The following SEPTIN10 variants were observed in gnomAD, a reference collection of about 807,000 sequenced individuals.
SEPTIN10 encodes the protein septin 10.
Under a neutral mutation model 54.8 loss-of-function variants are expected in SEPTIN10, and 66 were observed. The observed-to-expected ratio is 1.21, with a 90% CI of 0.99 to 1.48. SEPTIN10 has a LOEUF of 1.48. SEPTIN10 is among the 40% of genes most tolerant of loss of function. SEPTIN10 has a pLI of 0.00. For synonymous variants in SEPTIN10, 161 were observed against 181.0 expected, an observed-to-expected ratio of 0.89 and a Z score of 0.89; for missense variants, 620 against 545.6, an observed-to-expected ratio of 1.14 and a Z score of -1.36.
intron 9 of SEPTIN10, among the ~76,000 whole-genome samples, chr2:109,547,880 TA>T (rs1361366325): frequency 6.6e-6 from 1 of 152,190 alleles, no homozygotes; most frequent in Non-Finnish European, 1.5e-5. Context: ...CCACCCTGGG[TA>T]GTTCTTTCTG....
chr2:109,608,863 C>T (rs1698595618), intron 1 of SEPTIN10, among the ~76,000 whole-genome samples: 4 of 152,262 alleles, frequency 2.6e-5, no homozygotes, highest in Admixed American at 2.6e-4. Flanking sequence ...GTTCTCATTA[C>T]AAAAGCTTTG....
rs926971882 is a variant in SEPTIN10 at position 109,543,162 on chromosome 2, G to C, written c.*1147C>G. 8 of 152,446 alleles carry C rather than the reference G, an allele frequency of 5.2e-5. No individual in the cohort carries two copies. The highest frequency in any genetic ancestry group is 1.5e-5 in the Non-Finnish European group (1 of 67,980). 9.4% of individuals were successfully genotyped at this position (152,446 alleles called of 1,614,324 possible). On this transcript the variant is annotated 3_prime_UTR_variant, in exon 11 of 11. Coordinates refer to ENST00000397712, the MANE Select transcript of SEPTIN10 (RefSeq NM_144710.5). The stretch of plus-strand genomic sequence containing the variant: ...ATACCACCTGAAATATGAATTATGT[G>C]CATTTTTATATCTTTAATATTCAGA...
intron 2 of SEPTIN10, among the ~76,000 whole-genome samples, chr2:109,586,876 G>T (rs1334522386): frequency 1.3e-5 from 2 of 152,110 alleles, no homozygotes; most frequent in Non-Finnish European, 2.9e-5. Context: ...GGCTCAACAT[G>T]ATCAATGTGA....
rs1186761099 is a variant in SEPTIN10 at position 109,585,168 on chromosome 2, A to ACC, written c.370_371insGG (p.Val124GlyfsTer2). The ACC allele has an allele frequency of 1.9e-6, 3 of 1,608,612 alleles. No individual in the cohort carries two copies. The Admixed American group carries it at 5.1e-5, about 27-fold the overall frequency. The stretch of plus-strand genomic sequence containing the variant: ...TTGGTCACCAAATCCCACTGTATTC[A>ACC]CAATGGTCAATTTCAATTGAACATT... On this transcript the variant is annotated frameshift_variant, in exon 4 of 11. Coordinates refer to ENST00000397712, the MANE Select transcript of SEPTIN10 (RefSeq NM_144710.5). LOFTEE classifies it high-confidence loss of function.
chr2:109,584,659 AAATTAAAATTTCACTATCAAAACTTT>A (rs1692055778), intron 4 of SEPTIN10, among the ~76,000 whole-genome samples: 1 of 152,106 alleles, frequency 6.6e-6, no homozygotes. Context: ...GGTAAAATAT[AAATTAAAATTTCACTATCAAAACTTT>A]CCTGCAATGA....
intron 1 of SEPTIN10, among the ~76,000 whole-genome samples, chr2:109,597,518 A>G (rs1295322589): frequency 1.3e-5 from 2 of 152,178 alleles, no homozygotes; most frequent in Admixed American, 1.3e-4. Flanking sequence ...GGTGACCACA[A>G]TCTCGTTTCA....
intron 1 of SEPTIN10, among the ~76,000 whole-genome samples, chr2:109,608,001 G>A (rs1206679664): frequency 6.6e-6 from 1 of 152,218 alleles, no homozygotes; most frequent in Non-Finnish European, 1.5e-5. Flanking sequence ...TTCTGAAGCC[G>A]TGACTCATTC....
At chr2:109,570,061 G>A (rs10496432) in intron 5 of SEPTIN10, among the ~76,000 whole-genome samples, 20,461 of 151,878 alleles carry the variant, frequency 0.13, 1,859 homozygotes, top group African/African-American at 0.26. Context: ...ATTTAAAATG[G>A]GCCAAATCAA....
chr2:109,555,839 C>T (rs1394120691), intron 8 of SEPTIN10, among the ~76,000 whole-genome samples: 2 of 152,164 alleles, frequency 1.3e-5, no homozygotes, highest in Non-Finnish European at 2.9e-5. Flanking sequence ...CTGGCCCCTT[C>T]CTTTAAAACA....
chr2:109,597,793 T>G (rs1281792992), intron 1 of SEPTIN10, among the ~76,000 whole-genome samples: 1 of 152,194 alleles, frequency 6.6e-6, no homozygotes, highest in Non-Finnish European at 1.5e-5. Flanking sequence ...TGGAGGAAAG[T>G]CTGGTGCTGC....
intron 2 of SEPTIN10, among the ~76,000 whole-genome samples, chr2:109,592,599 T>G (rs764526511): frequency 6.6e-6 from 1 of 151,482 alleles, no homozygotes; most frequent in Non-Finnish European, 1.5e-5. Context: ...ACCAACATGG[T>G]GAAACCCCAT....
intron 4 of SEPTIN10, among the ~76,000 whole-genome samples, chr2:109,581,769 A>G (rs1280986616): frequency 6.6e-6 from 1 of 152,256 alleles, no homozygotes; most frequent in Non-Finnish European, 1.5e-5. Flanking sequence ...AACTGAAACA[A>G]GATATGCCTG....
intron 7 of SEPTIN10, among the ~76,000 whole-genome samples, chr2:109,564,790 A>G (rs1386172414): frequency 6.6e-6 from 1 of 152,250 alleles, no homozygotes; most frequent in Non-Finnish European, 1.5e-5. Flanking sequence ...TCACCAGGAA[A>G]TACCAAAAAA....
At chr2:109,544,399 G>T (rs1421434341) in intron 10 of SEPTIN10, 75 bp from the exon 11 acceptor site, 118 of 1,521,186 alleles carry the variant, frequency 7.8e-5, no homozygotes, top group Non-Finnish European at 7.1e-5. Context: ...CATGCATCTA[G>T]TATATTATAG....
rs1189988516 is a variant in SEPTIN10 at position 109,543,390 on chromosome 2, T to A, written c.*919A>T. On this transcript the variant is annotated 3_prime_UTR_variant, in exon 11 of 11. Transcript: ENST00000397712. ...TGTTTTAACTTTTAAAGATATTTTG[T>A]TTCACCACAGTAATACGTCAGCCAT... The A allele has an allele frequency of 6.6e-6, 1 of 152,178 alleles. No homozygotes were observed. The highest frequency in any genetic ancestry group is 1.5e-5 in the Non-Finnish European group (1 of 68,026). 9.4% of individuals were successfully genotyped at this position (152,178 alleles called of 1,614,324 possible).
chr2:109,607,639 T>C (rs1035590367), intron 1 of SEPTIN10, among the ~76,000 whole-genome samples: 3 of 152,192 alleles, frequency 2.0e-5, no homozygotes, highest in Non-Finnish European at 4.4e-5. Context: ...AATTACATTT[T>C]ATTTAAATGT....
intron 10 of SEPTIN10, 70 bp downstream of exon 10, chr2:109,545,980 T>TA: frequency 6.6e-7 from 1 of 1,507,766 alleles, no homozygotes; most frequent in African/African-American, 1.4e-5. Context: ...TAAGAAGCGC[T>TA]AGGAAGATCC....
chr2:109,586,369 G>A (rs1017808559), intron 2 of SEPTIN10, among the ~76,000 whole-genome samples: 5 of 152,128 alleles, frequency 3.3e-5, no homozygotes, highest in African/African-American at 9.7e-5. Context: ...AAGACTTGAG[G>A]GAAGGAAACT....
chr2:109,576,566 A>T (rs1275694669), intron 4 of SEPTIN10, among the ~76,000 whole-genome samples: 1 of 152,204 alleles, frequency 6.6e-6, no homozygotes, highest in African/African-American at 2.4e-5. Flanking sequence ...TTTCCAAAAA[A>T]ATAAAATGGG....
Sources: gnomAD v4.1 joint callset for allele counts (sites outside exome capture counted in the v4.1 genomes callset) on GRCh38, gnomAD v4.1.1 for gene constraint, MANE v1.5 for transcripts, NCBI Gene and HGNC (gene_info 2026-07-23, HGNC 2026-07-21) for gene names.